The following SDK1 variants were observed in gnomAD, a reference collection of about 807,000 sequenced individuals.
SDK1 encodes the protein sidekick cell adhesion molecule 1.
A neutral mutation model predicts 245.5 loss-of-function variants in SDK1; 157 were observed. That is an observed-to-expected ratio of 0.64 (90% CI 0.56 to 0.73). SDK1 has a LOEUF of 0.73. Ranked by LOEUF, SDK1 falls within the 30% of genes least tolerant of loss-of-function variation. The pLI is 0.00. For missense variants in SDK1, 3,583 were observed against 3,002.3 expected (o/e 1.19, Z -4.52); for synonymous variants, 1,647 against 1,278.5 (o/e 1.29, Z -6.15).
intron 5 of SDK1, among the ~76,000 whole-genome samples, chr7:3,901,659 C>A (rs1337704300): frequency 6.6e-6 from 1 of 152,174 alleles, no homozygotes; most frequent in African/African-American, 2.4e-5. Context: ...GTGGTAATAC[C>A]TTGAAACTAT....
chr7:3,652,814 GAATTCAGA>G (rs1783050765), intron 4 of SDK1, among the ~76,000 whole-genome samples: 1 of 152,180 alleles, frequency 6.6e-6, no homozygotes, highest in African/African-American at 2.4e-5. Context: ...CTACCATGTG[GAATTCAGA>G]AGCGAGGGTC....
chr7:3,627,688 A>G (rs900696034), intron 2 of SDK1, among the ~76,000 whole-genome samples: 1 of 152,238 alleles, frequency 6.6e-6, no homozygotes, highest in African/African-American at 2.4e-5. Flanking sequence ...GGATTCATTC[A>G]TAGCCTCAGT....
At chr7:3,602,286 T>C (rs975355672) in intron 1 of SDK1, among the ~76,000 whole-genome samples, 2 of 151,192 alleles carry the variant, frequency 1.3e-5, no homozygotes, top group African/African-American at 4.9e-5. Flanking sequence ...TAGTTTACAG[T>C]CCCACCAACA....
chr7:3,792,230 C>G (rs1781118371), intron 4 of SDK1, among the ~76,000 whole-genome samples: 1 of 152,122 alleles, frequency 6.6e-6, no homozygotes, highest in African/African-American at 2.4e-5. Flanking sequence ...CACTTCCATG[C>G]CCTAAAATGT....
In SDK1 at chr7:3,567,840, C is replaced by G. The variant is rs531247183; in HGVS notation, c.299-51240C>G. 2.0e-5 allele frequency among the ~76,000 whole-genome samples: 3 copies of G among 152,270 alleles called. No homozygotes were observed. The South Asian group carries it at 6.2e-4, about 32-fold the overall frequency. Reference sequence around the variant, plus strand: ...ATTTATTTTTCTTCTAAGGCAGGGTCTTGCCCTGTTGCATAGGCTGCAGTG... The same window carrying G: ...ATTTATTTTTCTTCTAAGGCAGGGTGTTGCCCTGTTGCATAGGCTGCAGTG... On this transcript the variant is annotated intron_variant, in intron 1 of 44. Coordinates refer to ENST00000404826, the MANE Select transcript of SDK1 (RefSeq NM_152744.4).
chr7:3,442,519 A>T (rs913232808), intron 1 of SDK1, among the ~76,000 whole-genome samples: 2 of 152,208 alleles, frequency 1.3e-5, no homozygotes, highest in Non-Finnish European at 2.9e-5. Context: ...GAGAATATAC[A>T]TTTTGGAAAC....
At chr7:3,581,734 A>T (rs1047538298) in intron 1 of SDK1, among the ~76,000 whole-genome samples, 1 of 152,210 alleles carries the variant, frequency 6.6e-6, no homozygotes, top group African/African-American at 2.4e-5. Context: ...TAGCAAAGAC[A>T]TGGAGTCAAC....
At chr7:3,388,774 G>A (rs1781672766) in intron 1 of SDK1, among the ~76,000 whole-genome samples, 1 of 151,250 alleles carries the variant, frequency 6.6e-6, no homozygotes, top group Admixed American at 6.6e-5. Flanking sequence ...AATTTTAAAT[G>A]AGATTTCTGT....
At chr7:4,256,589 A>G (rs973376502) in intron 44 of SDK1, among the ~76,000 whole-genome samples, 2 of 152,258 alleles carry the variant, frequency 1.3e-5, no homozygotes, top group African/African-American at 4.8e-5. Flanking sequence ...TAAGACGTTT[A>G]TCCTCTCTAC....
chr7:3,800,726 T>C (rs1448797754), intron 4 of SDK1, among the ~76,000 whole-genome samples: 1 of 152,036 alleles, frequency 6.6e-6, no homozygotes, highest in Non-Finnish European at 1.5e-5. Context: ...ACATACCAAA[T>C]GATTCAGAGT....
intron 1 of SDK1, among the ~76,000 whole-genome samples, chr7:3,426,959 A>T (rs1178944097): frequency 6.6e-6 from 1 of 152,112 alleles, no homozygotes; most frequent in Non-Finnish European, 1.5e-5. Context: ...TTGCCTTCCA[A>T]CCTCATCTCT....
intron 32 of SDK1, among the ~76,000 whole-genome samples, chr7:4,166,840 G>A (rs771802165): frequency 2.6e-5 from 4 of 152,208 alleles, no homozygotes; most frequent in Non-Finnish European, 4.4e-5. Context: ...CTGCCCTGCT[G>A]CTCCCCTACC....
intron 1 of SDK1, among the ~76,000 whole-genome samples, chr7:3,581,389 A>C (rs963609117): frequency 6.6e-6 from 1 of 152,234 alleles, no homozygotes; most frequent in South Asian, 2.1e-4. Context: ...CAACAAGCAT[A>C]TGATAAAAGC....
chr7:4,109,792 C>A (rs1473399849), intron 22 of SDK1, among the ~76,000 whole-genome samples: 1 of 152,170 alleles, frequency 6.6e-6, no homozygotes, highest in Non-Finnish European at 1.5e-5. Context: ...GCGGCACTGG[C>A]ACTCGGGTTT....
At chr7:3,479,634 T>TG (rs1027578202) in intron 1 of SDK1, among the ~76,000 whole-genome samples, 1 of 150,862 alleles carries the variant, frequency 6.6e-6, no homozygotes, top group Non-Finnish European at 1.5e-5. Context: ...GAGGTCGAGG[T>TG]GGGGGGATCA....
At chr7:3,628,942 G>A (rs990231359) in intron 2 of SDK1, among the ~76,000 whole-genome samples, 1 of 152,080 alleles carries the variant, frequency 6.6e-6, no homozygotes, top group Non-Finnish European at 1.5e-5. Context: ...GTTGAAGAGA[G>A]CTGAGAGTTT....
intron 5 of SDK1, among the ~76,000 whole-genome samples, chr7:3,840,841 G>T (rs946091796): frequency 6.6e-6 from 1 of 152,224 alleles, no homozygotes; most frequent in Admixed American, 6.5e-5. Flanking sequence ...CAGACCTAGG[G>T]ATCGGGACCT....
intron 5 of SDK1, among the ~76,000 whole-genome samples, chr7:3,889,889 C>T (rs1311471208): frequency 3.9e-5 from 6 of 152,192 alleles, no homozygotes; most frequent in African/African-American, 9.7e-5. Flanking sequence ...GGCCAGTCAA[C>T]CTCTTCCAGC....
At chr7:3,502,231 T>C (rs909043216) in intron 1 of SDK1, among the ~76,000 whole-genome samples, 1 of 151,504 alleles carries the variant, frequency 6.6e-6, no homozygotes, top group Non-Finnish European at 1.5e-5. Flanking sequence ...AGATTTTTTT[T>C]TAATTAATTA....
Sources: gnomAD v4.1 joint callset for allele counts (sites outside exome capture counted in the v4.1 genomes callset) on GRCh38, gnomAD v4.1.1 for gene constraint, MANE v1.5 for transcripts, NCBI Gene and HGNC (gene_info 2026-07-23, HGNC 2026-07-21) for gene names.